The following RYR2 variants were observed in gnomAD, a reference collection of about 807,000 sequenced individuals.
RYR2 encodes the protein cardiac muscle ryanodine receptor-calcium release channel.
A neutral mutation model predicts 601.1 loss-of-function variants in RYR2; 227 were observed. That is an observed-to-expected ratio of 0.38 (90% confidence interval 0.34 to 0.42). The LOEUF (loss-of-function observed/expected upper bound fraction) is 0.42. Among genes scored for constraint, RYR2 ranks in the 10% least tolerant of loss-of-function variants. The pLI is 1.00. For synonymous variants in RYR2, 2,223 were observed against 2,175.1 expected, an observed-to-expected ratio of 1.02 and a Z score of -0.61; for missense variants, 4,646 against 6,156.5, an observed-to-expected ratio of 0.75 and a Z score of 8.21.
intron 3 of RYR2, among the ~76,000 whole-genome samples, chr1:237,337,890 T>C (rs1697403200): frequency 6.6e-6 from 1 of 152,198 alleles, no homozygotes; most frequent in African/African-American, 2.4e-5. Flanking sequence ...ACAACATACA[T>C]TTATTATTTT....
At chr1:237,549,416 A>T (rs1438524777) in intron 26 of RYR2, among the ~76,000 whole-genome samples, 1 of 152,036 alleles carries the variant, frequency 6.6e-6, no homozygotes, top group Non-Finnish European at 1.5e-5. Context: ...CTCTACAAAA[A>T]ATTAAAAAAT....
At chr1:237,781,349 G>A (rs976678310) in intron 88 of RYR2, among the ~76,000 whole-genome samples, 29 of 152,114 alleles carry the variant, frequency 1.9e-4, no homozygotes, top group African/African-American at 6.5e-4. Flanking sequence ...CACTGCGCCC[G>A]GCCTACAAAT....
chr1:237,313,774 A>C (rs1694811141), intron 2 of RYR2, among the ~76,000 whole-genome samples: 2 of 152,204 alleles, frequency 1.3e-5, no homozygotes, highest in Admixed American at 1.3e-4. Flanking sequence ...TTTCTAACTT[A>C]ATGAAAATGC....
Position 237,680,526 on chromosome 1 carries a change from C to T in RYR2, c.8966C>T (p.Pro2989Leu). 6.2e-7 allele frequency: 1 copy of T among 1,600,616 alleles called. No individual in the cohort carries two copies. The highest frequency in any genetic ancestry group is 8.6e-7 in the Non-Finnish European group (1 of 1,169,418). The change falls in exon 62 of 105, where the codon CCT becomes CTT. Residue 2989 changes from proline (P) to leucine (L), a missense_variant. This residue lies in a region of RYR2 where 1,497 missense variants were observed against 1,842.6 expected (regional missense o/e 0.81). Coordinates refer to ENST00000366574, the MANE Select transcript of RYR2 (RefSeq NM_001035.3). Reference sequence around the variant, plus strand: ...TACTTCTTATCTGCAGCAAGCAGACCTCTCTGCTCTGGAGGACATGCTTCC... The same window carrying T: ...TACTTCTTATCTGCAGCAAGCAGACTTCTCTGCTCTGGAGGACATGCTTCC... ...RLYFLSAASR[P>L]LCSGGHASNK...
intron 1 of RYR2, among the ~76,000 whole-genome samples, chr1:237,265,502 A>G (rs567460844): frequency 1.4e-3 from 207 of 152,078 alleles, no homozygotes; most frequent in Non-Finnish European, 2.6e-3. Context: ...TTGTATTTTT[A>G]GTAGAGATGG....
chr1:237,829,070 C>T (rs1457960271), intron 102 of RYR2, among the ~76,000 whole-genome samples: 2 of 152,120 alleles, frequency 1.3e-5, no homozygotes, highest in African/African-American at 4.8e-5. Context: ...AGCCTCAGTG[C>T]TACCAGATGC....
chr1:237,717,247 G>A lies in RYR2; in HGVS notation c.10373G>A (p.Arg3458Gln), dbSNP rs762944627. ...ERKKMKRKGD[R>Q]YSMQTSLIVA... The stretch of plus-strand genomic sequence containing the variant: ...AAGAAAATGAAGCGCAAAGGAGATC[G>A]GTATTCCATGCAGACCTCTCTGATT... Residue 3458 changes from arginine (R) to glutamine (Q), a missense_variant, in exon 72 of 105, where the codon CGG (arginine) becomes CAG (glutamine). Coordinates refer to ENST00000366574, the MANE Select transcript of RYR2 (RefSeq NM_001035.3). The A allele has an allele frequency of 5.0e-6, 8 of 1,613,596 alleles. No individual in the cohort carries two copies. The highest frequency in any genetic ancestry group is 4.5e-5 in the East Asian group (2 of 44,862).
intron 84 of RYR2, among the ~76,000 whole-genome samples, chr1:237,763,532 G>C (rs551883989): frequency 6.6e-6 from 1 of 152,170 alleles, no homozygotes; most frequent in Non-Finnish European, 1.5e-5. Context: ...TCAAAGAGCA[G>C]TAGAAACAAT....
At chr1:237,484,073 T>A (rs548794827) in intron 17 of RYR2, among the ~76,000 whole-genome samples, 16 of 152,112 alleles carry the variant, frequency 1.1e-4, no homozygotes, top group Middle Eastern at 6.8e-3. Flanking sequence ...TCAGCCGGAG[T>A]CTTCCTGTTT....
intron 11 of RYR2, among the ~76,000 whole-genome samples, chr1:237,420,140 A>G (rs1705405899): frequency 6.6e-6 from 1 of 152,144 alleles, no homozygotes; most frequent in Non-Finnish European, 1.5e-5. Flanking sequence ...TTTCAGTATC[A>G]TGGCCTTTTT....
At position 237,435,272 on chromosome 1, in the gene RYR2, G is replaced by T. The variant is rs554105609; in HGVS notation, c.1006-6047G>T. On this transcript the variant is annotated intron_variant, in intron 12 of 104. Coordinates refer to ENST00000366574, the MANE Select transcript of RYR2 (RefSeq NM_001035.3). Reference sequence around the variant, plus strand: ...TATCTTATTTAATCCTAACACAACTGTATGGAGTTAAGATGCTGTTTTTTT... The same window carrying T: ...TATCTTATTTAATCCTAACACAACTTTATGGAGTTAAGATGCTGTTTTTTT... 2.5e-4 allele frequency among the ~76,000 whole-genome samples: 38 copies of T among 152,250 alleles called. 1 individual carries two copies. In the South Asian group the frequency reaches 7.3e-3, roughly 29 times the overall value.
At chr1:237,664,747 GGTT>G (rs1684142437) in intron 56 of RYR2, among the ~76,000 whole-genome samples, 1 of 152,216 alleles carries the variant, frequency 6.6e-6, no homozygotes. Flanking sequence ...AACCCGAGAT[GGTT>G]GCCATGGATT....
At chr1:237,101,168 CT>C (rs1668050449) in intron 1 of RYR2, among the ~76,000 whole-genome samples, 1 of 152,074 alleles carries the variant, frequency 6.6e-6, no homozygotes, top group East Asian at 1.9e-4. Flanking sequence ...GCTGGGATGA[CT>C]TATAGGTCCC....
chr1:237,661,060 A>C (rs372308892), intron 56 of RYR2, 113 bp downstream of exon 56: 2 of 1,041,990 alleles, frequency 1.9e-6, no homozygotes. Flanking sequence ...GAAGAGTCAC[A>C]AAATTTAGAA....
At chr1:237,218,800 A>C (rs1157861924) in intron 1 of RYR2, among the ~76,000 whole-genome samples, 1 of 152,068 alleles carries the variant, frequency 6.6e-6, no homozygotes, top group African/African-American at 2.4e-5. Flanking sequence ...ATGGTAATCA[A>C]AAGAACAAGC....
chr1:237,387,972 A>C, intron 9 of RYR2, 115 bp from the exon 10 acceptor site: 6 of 952,350 alleles, frequency 6.3e-6, no homozygotes, highest in Non-Finnish European at 9.7e-6. Flanking sequence ...CAGGTCCTTA[A>C]GACTCACTAG....
intron 1 of RYR2, among the ~76,000 whole-genome samples, chr1:237,126,938 G>T (rs955513015): frequency 1.4e-3 from 214 of 151,808 alleles, no homozygotes; most frequent in African/African-American, 5.1e-3. Context: ...GTGGCCTTCC[G>T]CAGTGTTTGT....
chr1:237,386,846 G>A (rs552933483), intron 8 of RYR2, among the ~76,000 whole-genome samples: 4 of 152,176 alleles, frequency 2.6e-5, no homozygotes, highest in African/African-American at 9.6e-5. Flanking sequence ...CCCATAAGAC[G>A]CCTAAGGACT....
At chr1:237,715,236 G>A (rs1172210089) in intron 71 of RYR2, among the ~76,000 whole-genome samples, 3 of 152,164 alleles carry the variant, frequency 2.0e-5, no homozygotes, top group Admixed American at 6.5e-5. Flanking sequence ...TTTGAATACA[G>A]AGAAACGACA....
Sources: allele counts gnomAD v4.1 joint callset (sites outside exome capture counted in the v4.1 genomes callset), GRCh38; gene constraint gnomAD v4.1.1; regional missense constraint gnomAD v4.1.1; transcripts MANE v1.5; gene names NCBI Gene and HGNC (gene_info 2026-07-23, HGNC 2026-07-21).